Variants in NRG3 observed in about 807,000 individuals in gnomAD.
NRG3 encodes neuregulin 3, also known as pro-neuregulin-3, membrane-bound isoform.
Under a neutral mutation model 66.9 loss-of-function variants are expected in NRG3, and 31 were observed. The observed-to-expected ratio is 0.46, with a 90% CI of 0.35 to 0.63. NRG3 has a LOEUF of 0.63. Among genes scored for constraint, NRG3 ranks in the 20% least tolerant of loss-of-function variants. The pLI is 0.00. For missense variants in NRG3, 910 were observed against 878.9 expected (o/e 1.04, Z -0.45); for synonymous variants, 393 against 359.4 (o/e 1.09, Z -1.06).
intron 2 of NRG3, among the ~76,000 whole-genome samples, chr10:82,382,873 C>A (rs1224127428): frequency 6.6e-6 from 1 of 151,812 alleles, no homozygotes; most frequent in Non-Finnish European, 1.5e-5. Flanking sequence ...ATAGTTTTGC[C>A]TGTATAGAAA....
intron 1 of NRG3, among the ~76,000 whole-genome samples, chr10:82,048,416 A>G (rs1446596701): frequency 6.6e-6 from 1 of 152,172 alleles, no homozygotes; most frequent in Non-Finnish European, 1.5e-5. Flanking sequence ...ACCACAGTGC[A>G]ATCAAACTAG....
intron 5 of NRG3, among the ~76,000 whole-genome samples, chr10:82,954,272 T>C (rs187113778): frequency 1.4e-4 from 21 of 152,092 alleles, no homozygotes; most frequent in African/African-American, 4.6e-4. Context: ...TTGTACCACA[T>C]TTAAATGAAA....
At position 82,858,928 on chromosome 10, in the gene NRG3, A is replaced by G. The variant is rs1164509252; in HGVS notation, c.1028-6483A>G. ...CAGCAGAGAAGCCCATTTAACTTCA[A>G]GGCAGTAGTCTAACTTTTTTTTTTT... On this transcript the variant is annotated intron_variant, in intron 3 of 8. Transcript: ENST00000372141. Among the ~76,000 whole-genome samples the G allele has an allele frequency of 2.7e-5, 4 of 149,904 alleles. No homozygotes were observed. The East Asian group carries it at 5.9e-4, about 22-fold the overall frequency.
At chr10:82,927,389 A>G (rs887212768) in intron 4 of NRG3, among the ~76,000 whole-genome samples, 2 of 152,174 alleles carry the variant, frequency 1.3e-5, no homozygotes, top group African/African-American at 2.4e-5. Flanking sequence ...TCTGGGATAC[A>G]TGTGTAGAAC....
chr10:82,332,894 G>T (rs2082205657), intron 1 of NRG3, among the ~76,000 whole-genome samples: 1 of 152,162 alleles, frequency 6.6e-6, no homozygotes, highest in Non-Finnish European at 1.5e-5. Context: ...CCAAGAAACA[G>T]AACTAGGCAA....
intron 1 of NRG3, among the ~76,000 whole-genome samples, chr10:82,028,674 T>TG (rs2062426986): frequency 6.6e-6 from 1 of 152,104 alleles, no homozygotes; most frequent in Admixed American, 6.6e-5. Context: ...ATACAAACCC[T>TG]CACTCTGGGG....
At chr10:82,756,815 C>T (rs2059097120) in intron 3 of NRG3, among the ~76,000 whole-genome samples, 1 of 150,778 alleles carries the variant, frequency 6.6e-6, no homozygotes, top group Admixed American at 6.6e-5. Flanking sequence ...GAACCAAGCA[C>T]TACTGTTTTT....
At chr10:82,186,879 T>C (rs1739764) in intron 1 of NRG3, among the ~76,000 whole-genome samples, 135,059 of 152,106 alleles carry the variant, frequency 0.89, 60,207 homozygotes, top group African/African-American at 0.96. Flanking sequence ...CACATGGTAC[T>C]GCCAGCTGTA....
Position 82,871,255 on chromosome 10 carries a change from T to A in NRG3, c.1054+5818T>A, listed in dbSNP as rs138149187. On this transcript the variant is annotated intron_variant, in intron 4 of 8. Transcript: ENST00000372141. The stretch of plus-strand genomic sequence containing the variant: ...ATATTAATGTGTATCTATTCTGAGT[T>A]CTTTGTTCTGTTCCATTAAACTATT... Among the ~76,000 whole-genome samples the A allele has an allele frequency of 1.6e-3, 237 of 150,348 alleles. 1 individual carries two copies. Among genetic ancestry groups the A allele is most frequent in the South Asian group, 3.4e-3 (16 of 4,736 alleles).
At chr10:82,467,907 G>T (rs1448898995) in intron 2 of NRG3, among the ~76,000 whole-genome samples, 1 of 151,952 alleles carries the variant, frequency 6.6e-6, no homozygotes, top group South Asian at 2.1e-4. Context: ...CATGTTGTGT[G>T]TGTGTGTATG....
At chr10:82,247,668 T>C (rs1035854978) in intron 1 of NRG3, among the ~76,000 whole-genome samples, 15 of 152,180 alleles carry the variant, frequency 9.9e-5, no homozygotes, top group African/African-American at 3.6e-4. Flanking sequence ...TGTCTTGTTC[T>C]AAAATGGGAA....
intron 2 of NRG3, among the ~76,000 whole-genome samples, chr10:82,474,619 T>C (rs1841589988): frequency 6.6e-6 from 1 of 152,096 alleles, no homozygotes; most frequent in African/African-American, 2.4e-5. Flanking sequence ...CTCAGGGATG[T>C]GTGGGCCATT....
chr10:82,809,136 G>A (rs950165432), intron 3 of NRG3, among the ~76,000 whole-genome samples: 49 of 152,230 alleles, frequency 3.2e-4, no homozygotes, highest in Admixed American at 1.8e-3. Context: ...GCCATGAGAA[G>A]CCATTAAAGA....
rs376900131 is a variant in NRG3, at chr10:82,801,637, G to A, written c.1027+62987G>A. On this transcript the variant is annotated intron_variant, in intron 3 of 8. Coordinates refer to ENST00000372141, the MANE Select transcript of NRG3 (RefSeq NM_001010848.4). ...CTGCCTTTTGCCAGGCTACAGAATGGCAGCAGAGTCCAATGTGATAGACAT... is the reference window on the plus strand; with the variant it reads ...CTGCCTTTTGCCAGGCTACAGAATGACAGCAGAGTCCAATGTGATAGACAT... Among the ~76,000 whole-genome samples, 19 of 152,262 alleles carry A rather than the reference G, an allele frequency of 1.2e-4. No individual in the cohort carries two copies. In the East Asian group the frequency reaches 1.4e-3, roughly 11 times the overall value.
intron 2 of NRG3, among the ~76,000 whole-genome samples, chr10:82,687,632 C>G (rs1324598884): frequency 6.6e-6 from 1 of 151,778 alleles, no homozygotes; most frequent in Non-Finnish European, 1.5e-5. Flanking sequence ...AGGAGCAGAG[C>G]TAAAAGGCAG....
intron 2 of NRG3, among the ~76,000 whole-genome samples, chr10:82,608,881 G>A (rs1320202851): frequency 6.6e-6 from 1 of 152,022 alleles, no homozygotes; most frequent in Non-Finnish European, 1.5e-5. Context: ...TAAAAAAAAT[G>A]TATCACCCCT....
intron 1 of NRG3, among the ~76,000 whole-genome samples, chr10:81,885,694 C>T (rs1451594948): frequency 6.6e-6 from 1 of 152,054 alleles, no homozygotes; most frequent in Non-Finnish European, 1.5e-5. Context: ...ATTTGAATAG[C>T]CATGCTGAAG....
At chr10:82,971,436 C>CT (rs11289529) in intron 6 of NRG3, among the ~76,000 whole-genome samples, 1,350 of 121,856 alleles carry the variant, frequency 0.011, 22 homozygotes, top group African/African-American at 0.034. Context: ...GAAAGCCGTT[C>CT]TTTTTTTTTT....
chr10:82,823,705 A>G (rs1308833739), intron 3 of NRG3, among the ~76,000 whole-genome samples: 2 of 152,128 alleles, frequency 1.3e-5, no homozygotes, highest in African/African-American at 4.8e-5. Flanking sequence ...GCTGGTAGAC[A>G]CAGGGACCCA....
Sources: allele counts gnomAD v4.1 joint callset (sites outside exome capture counted in the v4.1 genomes callset), GRCh38; gene constraint gnomAD v4.1.1; transcripts MANE v1.5; gene names NCBI Gene and HGNC (gene_info 2026-07-23, HGNC 2026-07-21).